Variants in TNFAIP8L3 observed in about 807,000 individuals in gnomAD.
The protein encoded by TNFAIP8L3 is tumor necrosis factor alpha-induced protein 8-like protein 3.
Under a neutral mutation model 11.8 loss-of-function variants are expected in TNFAIP8L3, and 7 were observed. That is an observed-to-expected ratio of 0.59 (90% CI 0.34 to 1.11). TNFAIP8L3 has a LOEUF of 1.11. Among genes scored for constraint, TNFAIP8L3 ranks in the 50% most tolerant of loss-of-function variants. The pLI, the probability that TNFAIP8L3 is intolerant of heterozygous loss-of-function variation, is 0.03. For synonymous variants in TNFAIP8L3, 98 were observed against 103.8 expected (o/e 0.94, Z 0.34); for missense variants, 219 against 258.6 (o/e 0.85, Z 1.05).
At chr15:51,100,283 C>T (rs540067331) in intron 1 of TNFAIP8L3, among the ~76,000 whole-genome samples, 18 of 152,262 alleles carry the variant, frequency 1.2e-4, no homozygotes, top group African/African-American at 4.3e-4. Context: ...GTAGGTTGAA[C>T]AATCCTACCC....
intron 1 of TNFAIP8L3, among the ~76,000 whole-genome samples, chr15:51,068,173 G>T (rs1194780042): frequency 1.3e-5 from 2 of 152,206 alleles, no homozygotes; most frequent in African/African-American, 4.8e-5. Flanking sequence ...CAGCATGGGT[G>T]ATTGCTGGGG....
upstream of TNFAIP8L3, among the ~76,000 whole-genome samples, chr15:51,094,999 G>A (rs2065502409): frequency 6.6e-6 from 1 of 151,910 alleles, no homozygotes; most frequent in Non-Finnish European, 1.5e-5. This position sits in a 1 kb window ranked among gnomAD's most constrained non-coding sequence, Gnocchi z 4.4. Flanking sequence ...GACTTGCCTC[G>A]CGCGGCGAGG....
chr15:51,101,945 C>CAAA (rs11297566), intron 1 of TNFAIP8L3, among the ~76,000 whole-genome samples: 18 of 85,702 alleles, frequency 2.1e-4, no homozygotes, highest in African/African-American at 5.7e-4. Flanking sequence ...GACTCTGTCT[C>CAAA]AAAAAAAAAA....
chr15:51,058,045 G>T lies in TNFAIP8L3; in HGVS notation c.451C>A (p.Arg151=). ...CCGTGGGTCCTGGGCGTCAGGTGCC[G>T]CTGCACCAGTTCATGCACCAGGTCC... is the stretch of plus-strand genomic sequence containing the variant. The part of the protein sequence containing the change: ...CKDLVHELVQ[R]HLTPRTHGRI... Residue 151 remains arginine (R), a synonymous_variant, in exon 2 of 2, where the codon CGG becomes AGG. Transcript: ENST00000637513. 2.5e-6 allele frequency: 4 copies of T among 1,614,090 alleles called. No homozygotes were observed. Among genetic ancestry groups the T allele is most frequent in the Non-Finnish European group, 3.4e-6 (4 of 1,179,992 alleles).
At chr15:51,093,991 C>G (rs1412653420) in intron 1 of TNFAIP8L3, among the ~76,000 whole-genome samples, 2 of 152,126 alleles carry the variant, frequency 1.3e-5, no homozygotes, top group African/African-American at 4.8e-5. Flanking sequence ...TGGACCTTCT[C>G]CGCCGGCTGC....
intron 1 of TNFAIP8L3, among the ~76,000 whole-genome samples, chr15:51,100,242 C>T (rs965433649): frequency 3.9e-5 from 6 of 152,196 alleles, no homozygotes; most frequent in Non-Finnish European, 5.9e-5. Flanking sequence ...GGAGGTCTTA[C>T]ACAGTTTCCT....
chr15:51,089,084 G>T (rs2065448889), intron 1 of TNFAIP8L3, among the ~76,000 whole-genome samples: 1 of 152,112 alleles, frequency 6.6e-6, no homozygotes, highest in Non-Finnish European at 1.5e-5. Flanking sequence ...GCCCAGTCCT[G>T]CTCCCTTCCC....
chr15:51,083,476 G>A (rs146333233), intron 1 of TNFAIP8L3, among the ~76,000 whole-genome samples: 1 of 152,340 alleles, frequency 6.6e-6, no homozygotes, highest in East Asian at 1.9e-4. Flanking sequence ...TAGAGGTCAA[G>A]GACAGAGGAA....
At chr15:51,089,662 T>C (rs1266373138) in intron 1 of TNFAIP8L3, among the ~76,000 whole-genome samples, 2 of 152,238 alleles carry the variant, frequency 1.3e-5, no homozygotes, top group Non-Finnish European at 2.9e-5. Flanking sequence ...GCATCCTGTC[T>C]ACTTTATAGG....
intron 1 of TNFAIP8L3, among the ~76,000 whole-genome samples, chr15:51,061,610 C>CT (rs1283095119): frequency 6.6e-6 from 1 of 152,136 alleles, no homozygotes; most frequent in Admixed American, 6.5e-5. Flanking sequence ...ACCCACAGCA[C>CT]TTTAACTTCA....
chr15:51,099,991 AG>A (rs1567299042), intron 1 of TNFAIP8L3, among the ~76,000 whole-genome samples: 1 of 148,072 alleles, frequency 6.8e-6, no homozygotes, highest in Non-Finnish European at 1.5e-5. Flanking sequence ...TGAAACAAAC[AG>A]GTTTATAAAT....
exon 1 of TNFAIP8L3, chr15:51,105,268 C>G: frequency 7.3e-7 from 1 of 1,367,588 alleles, no homozygotes; most frequent in South Asian, 1.4e-5. Flanking sequence ...TGAGGTAAGA[C>G]TAGCAAGTCA....
At chr15:51,104,128 C>G (rs1595624774) in intron 1 of TNFAIP8L3, among the ~76,000 whole-genome samples, 1 of 152,288 alleles carries the variant, frequency 6.6e-6, no homozygotes, top group Non-Finnish European at 1.5e-5. Flanking sequence ...AATTAGTGCC[C>G]TTATTTCTGT....
At chr15:51,079,544 A>C (rs1176829917) in intron 1 of TNFAIP8L3, among the ~76,000 whole-genome samples, 3 of 152,190 alleles carry the variant, frequency 2.0e-5, no homozygotes, top group Non-Finnish European at 4.4e-5. Context: ...CAATAATGAT[A>C]ATGAGAGCTG....
intron 1 of TNFAIP8L3, among the ~76,000 whole-genome samples, chr15:51,077,656 T>C (rs1156920255): frequency 6.6e-6 from 1 of 152,210 alleles, no homozygotes; most frequent in East Asian, 1.9e-4. Flanking sequence ...AAGACCCGAC[T>C]GCCGGTCCCG....
chr15:51,089,089 C>T (rs1419686010), intron 1 of TNFAIP8L3, among the ~76,000 whole-genome samples: 1 of 152,154 alleles, frequency 6.6e-6, no homozygotes, highest in Non-Finnish European at 1.5e-5. Flanking sequence ...GTCCTGCTCC[C>T]TTCCCTTCCC....
chr15:51,095,083 G>C (rs1237002546), upstream of TNFAIP8L3, among the ~76,000 whole-genome samples: 1 of 152,162 alleles, frequency 6.6e-6, no homozygotes. Flanking sequence ...GTGAAAAAGA[G>C]CTTCAACTCG....
intron 1 of TNFAIP8L3, among the ~76,000 whole-genome samples, chr15:51,100,294 A>G (rs754011753): frequency 6.6e-6 from 1 of 152,206 alleles, no homozygotes; most frequent in Non-Finnish European, 1.5e-5. Flanking sequence ...AATCCTACCC[A>G]GTGAGCTTTG....
In TNFAIP8L3 at chr15:51,094,592, C is replaced by T; in HGVS notation, c.4G>A (p.Asp2Asn). The stretch of plus-strand genomic sequence containing the variant: ...TCGCTCTGCTCCCCGGAATCCGAAT[C>T]CATGCTGCGGGCTGCTGGCTGGGCG... MDSDSGEQSEGE... is the reference protein window; with the variant it reads MNSDSGEQSEGE... The change falls in exon 1 of 2, where the codon GAT (aspartate) becomes AAT (asparagine). Residue 2 changes from aspartate (D) to asparagine (N), a missense_variant. Transcript: ENST00000637513. The surrounding 1 kb of genome is among the most constrained non-coding windows in gnomAD (Gnocchi z 4.4). 1 of 1,497,130 alleles carries T rather than the reference C, an allele frequency of 6.7e-7. No individual in the cohort carries two copies. Among genetic ancestry groups the T allele is most frequent in the Non-Finnish European group, 8.9e-7 (1 of 1,128,106 alleles). The allele number at this position is 1,497,130 out of a possible 1,614,324, so 92.7% of individuals were successfully genotyped here.
Sources: gnomAD v4.1 joint callset for allele counts (sites outside exome capture counted in the v4.1 genomes callset) on GRCh38, gnomAD v4.1.1 for gene constraint, Gnocchi (gnomAD v3.1) non-coding constraint, MANE v1.5 for transcripts, NCBI Gene and HGNC (gene_info 2026-07-23, HGNC 2026-07-21) for gene names.